The following NAV2 variants were observed in gnomAD, a reference collection of about 807,000 sequenced individuals.
NAV2 encodes the protein neuron navigator 2.
A neutral mutation model predicts 223.2 loss-of-function variants in NAV2; 54 were observed. That is an observed-to-expected ratio of 0.24 (90% CI 0.19 to 0.30). The LOEUF (loss-of-function observed/expected upper bound fraction) is 0.30, where lower values mean the gene tolerates loss of function less well. Ranked by LOEUF, NAV2 falls within the 10% of genes least tolerant of loss-of-function variation. The probability of loss-of-function intolerance (pLI) is 1.00; values close to 1 mark genes in which losing one functional copy is unlikely to be tolerated. For synonymous variants in NAV2, 1,279 were observed against 1,239.3 expected (o/e 1.03, Z -0.67); for missense variants, 2,806 against 3,147.5 (o/e 0.89, Z 2.60).
At chr11:19,354,085 G>A (rs566508547) in intron 1 of NAV2, among the ~76,000 whole-genome samples, 3 of 152,286 alleles carry the variant, frequency 2.0e-5, no homozygotes, top group South Asian at 2.1e-4. Context: ...GATGTTTCCA[G>A]GTTTTTGGTT....
intron 1 of NAV2, among the ~76,000 whole-genome samples, chr11:19,750,924 G>A (rs2053751327): frequency 6.6e-6 from 1 of 152,128 alleles, no homozygotes; most frequent in African/African-American, 2.4e-5. Flanking sequence ...ATTCCCACCA[G>A]GTACTCTATA....
chr11:19,706,794 G>A (rs1268889987), intron 1 of NAV2, among the ~76,000 whole-genome samples: 1 of 152,138 alleles, frequency 6.6e-6, no homozygotes, highest in African/African-American at 2.4e-5. Flanking sequence ...TTAATAATAG[G>A]GATATGTTCT....
Position 19,933,560 on chromosome 11 carries a change from G to A in NAV2, c.1316G>A (p.Ser439Asn). 1.2e-6 allele frequency: 2 copies of A among 1,610,690 alleles called. No homozygotes were observed. The highest frequency in any genetic ancestry group is 2.2e-5 in the South Asian group (2 of 90,832). Reference sequence around the variant, plus strand: ...GAGACTCTGCCCAGCTTCGAAGAGAGCGAGGAGCTGGAGGCCGCCAGTCGC... The same window carrying A: ...GAGACTCTGCCCAGCTTCGAAGAGAACGAGGAGCTGGAGGCCGCCAGTCGC... ...RLETLPSFEE[S>N]EELEAASRML... The change falls in exon 7 of 38, where the codon AGC (serine) becomes AAC (asparagine). Residue 439 changes from serine to asparagine, a missense_variant. Coordinates refer to ENST00000349880, the MANE Select transcript of NAV2 (RefSeq NM_145117.5). This position sits in a 1 kb window ranked among gnomAD's most constrained non-coding sequence, Gnocchi z 4.3.
At chr11:19,604,313 G>A (rs570714450) in intron 1 of NAV2, among the ~76,000 whole-genome samples, 9 of 152,266 alleles carry the variant, frequency 5.9e-5, no homozygotes, top group African/African-American at 1.9e-4. Flanking sequence ...GGGGGGCATC[G>A]GTGGTGTGTT....
intron 1 of NAV2, among the ~76,000 whole-genome samples, chr11:19,802,108 G>A (rs969931567): frequency 4.6e-5 from 7 of 152,090 alleles, no homozygotes; most frequent in African/African-American, 9.7e-5. Context: ...TTTTATCTCC[G>A]AAGGGCTAGA....
chr11:19,819,374 A>G (rs143900611), intron 1 of NAV2, among the ~76,000 whole-genome samples: 24 of 152,190 alleles, frequency 1.6e-4, no homozygotes, highest in African/African-American at 5.8e-4. Flanking sequence ...GGGGAAGGGC[A>G]CCCTAGGCAG....
intron 1 of NAV2, among the ~76,000 whole-genome samples, chr11:19,384,038 G>A (rs1256990757): frequency 6.6e-6 from 1 of 151,984 alleles, no homozygotes; most frequent in South Asian, 2.1e-4. Flanking sequence ...ATTTAATTGA[G>A]AACTATTCAG....
chr11:19,545,616 A>G (rs1349179296), intron 1 of NAV2, among the ~76,000 whole-genome samples: 2 of 152,212 alleles, frequency 1.3e-5, no homozygotes, highest in African/African-American at 4.8e-5. Context: ...CCTAGAGGGT[A>G]CTAAACACTT....
chr11:20,107,899 A>T, intron 36 of NAV2, 117 bp downstream of exon 36: 1 of 736,302 alleles, frequency 1.4e-6, no homozygotes, highest in Non-Finnish European at 2.4e-6. Flanking sequence ...ACAACCCCTC[A>T]CCTGGGAGTT....
chr11:19,999,591 A>G (rs1315841029), intron 11 of NAV2, among the ~76,000 whole-genome samples: 1 of 152,152 alleles, frequency 6.6e-6, no homozygotes, highest in Non-Finnish European at 1.5e-5. Flanking sequence ...GGCTGGTCTC[A>G]AATTCCTGAC....
chr11:19,565,058 C>T (rs969733448), intron 1 of NAV2, among the ~76,000 whole-genome samples: 1 of 152,078 alleles, frequency 6.6e-6, no homozygotes, highest in African/African-American at 2.4e-5. Flanking sequence ...TCTCTTGAAC[C>T]CAAGAGGCAG....
intron 1 of NAV2, among the ~76,000 whole-genome samples, chr11:19,552,167 G>A (rs2044711239): frequency 6.6e-6 from 1 of 152,102 alleles, no homozygotes; most frequent in Non-Finnish European, 1.5e-5. Flanking sequence ...TGGGGTGTAG[G>A]TGGCAGGGAG....
Position 20,013,231 on chromosome 11 carries a change from C to T in NAV2, c.2769-22728C>T, listed in dbSNP as rs543742433. Among the ~76,000 whole-genome samples, 4 of 152,178 alleles carry T rather than the reference C, an allele frequency of 2.6e-5. No individual in the cohort carries two copies. The East Asian group carries it at 5.8e-4, about 22-fold the overall frequency. ...TGGGATATGTGAGTTTTGATACCAA[C>T]GTTGTATACAAAGTTAGTAGAGTCT... On this transcript the variant is annotated intron_variant, in intron 11 of 37. Transcript: ENST00000349880.
At chr11:19,842,971 T>A (rs778022464) in intron 3 of NAV2, 48 bp downstream of exon 3, 1 of 1,492,346 alleles carries the variant, frequency 6.7e-7, no homozygotes, top group Non-Finnish European at 9.3e-7. Flanking sequence ...CAGCAAGCCC[T>A]GCCTCTAAGT....
rs192069539 is a variant in NAV2, at chr11:19,832,912, C to A, written c.385+311C>A. Among the ~76,000 whole-genome samples, 4 of 152,258 alleles carry A rather than the reference C, an allele frequency of 2.6e-5. No individual in the cohort carries two copies. The East Asian group carries it at 7.7e-4, about 29-fold the overall frequency. On this transcript the variant is annotated intron_variant, in intron 2 of 37. Transcript: ENST00000349880. The stretch of plus-strand genomic sequence containing the variant: ...CCACTTCTTGCCTCCCATTATCTTT[C>A]TGGCTCTCTCATTTCCCCCTTTGGA...
At chr11:19,876,415 T>C (rs566135078) in intron 4 of NAV2, among the ~76,000 whole-genome samples, 29 of 152,316 alleles carry the variant, frequency 1.9e-4, no homozygotes, top group African/African-American at 7.0e-4. Flanking sequence ...AGAAGAAAAC[T>C]GAGGCTCAGA....
intron 1 of NAV2, among the ~76,000 whole-genome samples, chr11:19,352,503 G>A (rs1034413270): frequency 6.6e-6 from 1 of 152,210 alleles, no homozygotes; most frequent in East Asian, 1.9e-4. Flanking sequence ...GGGTCCACAT[G>A]TACTATGGAG....
At chr11:19,486,161 T>C (rs942797061) in intron 1 of NAV2, among the ~76,000 whole-genome samples, 2 of 152,120 alleles carry the variant, frequency 1.3e-5, no homozygotes, top group African/African-American at 4.8e-5. Context: ...GCCTCTGGAC[T>C]ACAAAGCCAA....
intron 1 of NAV2, among the ~76,000 whole-genome samples, chr11:19,647,535 G>A (rs923782468): frequency 6.6e-6 from 1 of 152,082 alleles, no homozygotes; most frequent in Non-Finnish European, 1.5e-5. Flanking sequence ...TAGAGATGAG[G>A]AAACCGAGGC....
Sources: allele counts gnomAD v4.1 joint callset (sites outside exome capture counted in the v4.1 genomes callset), GRCh38; gene constraint gnomAD v4.1.1; non-coding constraint Gnocchi (gnomAD v3.1); transcripts MANE v1.5; gene names NCBI Gene and HGNC (gene_info 2026-07-23, HGNC 2026-07-21).